The following IL1RAPL1 variants were observed in gnomAD, a reference collection of about 807,000 sequenced individuals.
The protein encoded by IL1RAPL1 is interleukin-1 receptor accessory protein-like 1.
IL1RAPL1 carries 3 observed loss-of-function variants against 48.4 expected under a neutral mutation model. The ratio of observed to expected loss-of-function variants is 0.06; its 90% CI spans 0.03 to 0.16. The LOEUF (loss-of-function observed/expected upper bound fraction) is 0.16. IL1RAPL1 is among the 10% of genes least tolerant of loss of function. IL1RAPL1 has a pLI of 1.00. For missense variants in IL1RAPL1, 349 were observed against 530.6 expected (o/e 0.66, Z 3.36); for synonymous variants, 185 against 187.7 (o/e 0.99, Z 0.12).
chrX:29,949,419 G>A (rs1196423995), intron 9 of IL1RAPL1, among the ~76,000 whole-genome samples: 1 of 111,672 alleles, frequency 9.0e-6, no homozygotes, highest in East Asian at 2.8e-4. Flanking sequence ...TGTTTGTTTG[G>A]TGGAGCATAT....
chrX:28,724,589 A>G (rs1442481119), intron 1 of IL1RAPL1, among the ~76,000 whole-genome samples: 1 of 111,184 alleles, frequency 9.0e-6, no homozygotes, highest in Non-Finnish European at 1.9e-5. Flanking sequence ...CATTTAGCCC[A>G]TTTACATTTA....
chrX:28,990,101 A>G (rs892903357), intron 2 of IL1RAPL1, among the ~76,000 whole-genome samples: 14 of 111,616 alleles, frequency 1.3e-4, no homozygotes, highest in African/African-American at 4.2e-4. Context: ...CTCAAAGGGT[A>G]TTCTTTTTCC....
chrX:28,655,510 C>T (rs1427427083), intron 1 of IL1RAPL1, among the ~76,000 whole-genome samples: 1 of 110,978 alleles, frequency 9.0e-6, no homozygotes, highest in South Asian at 3.8e-4. Context: ...CTCCTATCAG[C>T]AAAAAGAGCA....
intron 3 of IL1RAPL1, among the ~76,000 whole-genome samples, chrX:29,365,416 C>T (rs750923249): frequency 1.8e-5 from 2 of 112,616 alleles, no homozygotes; most frequent in East Asian, 5.5e-4. Flanking sequence ...AAGGAAGGGG[C>T]CAGGCACATT....
intron 5 of IL1RAPL1, among the ~76,000 whole-genome samples, chrX:29,582,358 T>A (rs2032398166): frequency 9.6e-6 from 1 of 104,623 alleles, no homozygotes; most frequent in African/African-American, 3.7e-5. Context: ...TCTTTTTTTT[T>A]TTATTTTTTT....
At chrX:29,904,584 A>G (rs1932570132) in intron 6 of IL1RAPL1, among the ~76,000 whole-genome samples, 1 of 109,039 alleles carries the variant, frequency 9.2e-6, no homozygotes, top group Non-Finnish European at 1.9e-5. Context: ...ATGTGTTCTC[A>G]TTTTTCAGCT....
intron 1 of IL1RAPL1, among the ~76,000 whole-genome samples, chrX:28,734,047 C>G (rs1402930041): frequency 9.0e-6 from 1 of 111,556 alleles, no homozygotes; most frequent in East Asian, 2.8e-4. Flanking sequence ...CCACATCAAA[C>G]AGTTCTCACT....
intron 6 of IL1RAPL1, among the ~76,000 whole-genome samples, chrX:29,798,285 G>T (rs1929794563): frequency 8.9e-6 from 1 of 111,942 alleles, no homozygotes; most frequent in Admixed American, 9.5e-5. Flanking sequence ...CATTGCCCCA[G>T]TGTGGGAGCA....
intron 2 of IL1RAPL1, among the ~76,000 whole-genome samples, chrX:28,981,301 C>T (rs1293942628): frequency 1.8e-5 from 2 of 108,163 alleles, no homozygotes; most frequent in Non-Finnish European, 3.8e-5. Context: ...AACTGATAAG[C>T]TAATCATGGA....
chrX:29,623,166 C>T lies in IL1RAPL1; in HGVS notation c.704-45264C>T, dbSNP rs767428817. On this transcript the variant is annotated intron_variant, in intron 5 of 10. Coordinates refer to ENST00000378993, the MANE Select transcript of IL1RAPL1 (RefSeq NM_014271.4). ...GCCTGGTGGCGGGCACCTGTAGTCC[C>T]AGCTACTCGGGAGGCTGAGGCAGGA... Among the ~76,000 whole-genome samples the T allele has an allele frequency of 2.7e-3, 286 of 107,338 alleles. 1 individual carries two copies. Among genetic ancestry groups the T allele is most frequent in the African/African-American group, 9.2e-3 (271 of 29,424 alleles). The allele number at this position is 107,338 out of a possible 115,157, so 93.2% of individuals were successfully genotyped here.
intron 3 of IL1RAPL1, among the ~76,000 whole-genome samples, chrX:29,295,054 CAATGGGGGGCCTATGTTTAGAGTATT>C (rs1464558677): frequency 9.0e-6 from 1 of 110,868 alleles, no homozygotes; most frequent in Non-Finnish European, 1.9e-5. Context: ...AGGCATAAGG[CAATGGGGGGCCTATGTTTAGAGTATT>C]AATGGTAGAA....
chrX:29,036,444 T>C (rs746395029), intron 2 of IL1RAPL1, among the ~76,000 whole-genome samples: 28 of 112,187 alleles, frequency 2.5e-4, no homozygotes, highest in Non-Finnish European at 7.5e-5. Context: ...AGTACACAAA[T>C]AGCAAGCCAA....
chrX:29,893,351 G>A (rs1333183804), intron 6 of IL1RAPL1, among the ~76,000 whole-genome samples: 2 of 111,274 alleles, frequency 1.8e-5, no homozygotes, highest in Non-Finnish European at 3.8e-5. Context: ...TCGAGCCACC[G>A]CATTTATGTT....
intron 2 of IL1RAPL1, among the ~76,000 whole-genome samples, chrX:29,228,777 C>T (rs756294444): frequency 1.3e-4 from 15 of 111,921 alleles, no homozygotes; most frequent in South Asian, 3.7e-4. Flanking sequence ...TGTAGTCTTC[C>T]GTGGACTGGC....
chrX:28,811,947 T>C (rs1936796507), intron 2 of IL1RAPL1, among the ~76,000 whole-genome samples: 1 of 111,161 alleles, frequency 9.0e-6, no homozygotes, highest in Non-Finnish European at 1.9e-5. Flanking sequence ...GCCTACTAGG[T>C]TAGACCATCA....
At chrX:28,743,697 C>T (rs1935937655) in intron 1 of IL1RAPL1, among the ~76,000 whole-genome samples, 1 of 109,717 alleles carries the variant, frequency 9.1e-6, no homozygotes, top group African/African-American at 3.3e-5. Flanking sequence ...CTAGTCTTCT[C>T]CATCACCGAT....
intron 1 of IL1RAPL1, among the ~76,000 whole-genome samples, chrX:28,678,384 A>T (rs1935023131): frequency 9.0e-6 from 1 of 111,156 alleles, no homozygotes; most frequent in African/African-American, 3.3e-5. Context: ...TGGCCCCTGG[A>T]ATTTTAAGGC....
At position 29,107,096 on chromosome X, in the gene IL1RAPL1, T is replaced by G. The variant is rs1286509460; in HGVS notation, c.83-175842T>G. Among the ~76,000 whole-genome samples the G allele has an allele frequency of 3.6e-5, 4 of 112,325 alleles. No homozygotes were observed. The South Asian group carries it at 1.1e-3, about 30-fold the overall frequency. On this transcript the variant is annotated intron_variant, in intron 2 of 10. Coordinates refer to ENST00000378993, the MANE Select transcript of IL1RAPL1 (RefSeq NM_014271.4). Reference sequence around the variant, plus strand: ...TTATTCAAGTTAAGTTCTAAATGAATTTTTCTTCATCTTATTTAAGAGTAA... The same window carrying G: ...TTATTCAAGTTAAGTTCTAAATGAAGTTTTCTTCATCTTATTTAAGAGTAA...
At chrX:29,478,790 T>C (rs1446594821) in intron 5 of IL1RAPL1, among the ~76,000 whole-genome samples, 2 of 110,075 alleles carry the variant, frequency 1.8e-5, no homozygotes, top group Admixed American at 1.9e-4. Context: ...GTGTTCTTTC[T>C]CTTAGAGCTC....
Sources: gnomAD v4.1 joint callset for allele counts (sites outside exome capture counted in the v4.1 genomes callset) on GRCh38, gnomAD v4.1.1 for gene constraint, MANE v1.5 for transcripts, NCBI Gene and HGNC (gene_info 2026-07-23, HGNC 2026-07-21) for gene names.